KAZN: variants seen among roughly 807,000 people sequenced by gnomAD.
The protein encoded by KAZN is kazrin, periplakin interacting protein, also known as kazrin.
Under a neutral mutation model 87.4 loss-of-function variants are expected in KAZN, and 40 were observed. The observed-to-expected ratio is 0.46, with a 90% CI of 0.36 to 0.60. The LOEUF is 0.60. Ranked by LOEUF, KAZN falls within the 20% of genes least tolerant of loss-of-function variation. The pLI is 0.00. For missense variants in KAZN, 898 were observed against 1,073.9 expected, an observed-to-expected ratio of 0.84 and a Z score of 2.29; for synonymous variants, 466 against 458.3, an observed-to-expected ratio of 1.02 and a Z score of -0.22.
chr1:14,988,358 A>G (rs1667033102), intron 2 of KAZN, among the ~76,000 whole-genome samples: 1 of 152,168 alleles, frequency 6.6e-6, no homozygotes, highest in South Asian at 2.1e-4. Context: ...CGGAGCCCCC[A>G]GGGGCATCTC....
At chr1:14,711,200 G>A (rs950533653) in intron 1 of KAZN, among the ~76,000 whole-genome samples, 2 of 151,806 alleles carry the variant, frequency 1.3e-5, no homozygotes, top group Non-Finnish European at 2.9e-5. Context: ...CTCTATTTTC[G>A]AAAAGAAGTA....
intron 2 of KAZN, among the ~76,000 whole-genome samples, chr1:15,024,902 T>C (rs1671027693): frequency 6.6e-6 from 1 of 152,078 alleles, no homozygotes; most frequent in South Asian, 2.1e-4. Context: ...CCAGGACTGA[T>C]GCTCAGGGTT....
chr1:14,760,471 G>A (rs1037370926), intron 1 of KAZN, among the ~76,000 whole-genome samples: 25 of 152,292 alleles, frequency 1.6e-4, no homozygotes, highest in Admixed American at 1.0e-3. Context: ...GGCACTCGCT[G>A]GCCCAGTTTG....
chr1:15,050,064 G>GTAGAGTAGAGTACAGTAGAGTACA (rs1557756656), intron 4 of KAZN, among the ~76,000 whole-genome samples: 4 of 79,530 alleles, frequency 5.0e-5, no homozygotes, highest in African/African-American at 2.5e-4. Flanking sequence ...GGTAGGGTAG[G>GTAGAGTAGAGTACAGTAGAGTACA]GTAGAGTAGA....
intron 1 of KAZN, among the ~76,000 whole-genome samples, chr1:14,673,581 G>C (rs1640043466): frequency 6.6e-6 from 1 of 152,152 alleles, no homozygotes; most frequent in Non-Finnish European, 1.5e-5. Context: ...AGTAGGAGCA[G>C]CTGGAGAAGG....
At chr1:14,874,536 G>GGCTAACTTAACTACTGCA (rs558641056) in intron 1 of KAZN, among the ~76,000 whole-genome samples, 174 of 151,560 alleles carry the variant, frequency 1.1e-3, no homozygotes, top group African/African-American at 4.1e-3. Context: ...ATGGATGGAA[G>GGCTAACTTAACTACTGCA]GCTAACTTAA....
intron 1 of KAZN, among the ~76,000 whole-genome samples, chr1:14,667,735 A>C (rs74058775): frequency 9.8e-4 from 149 of 152,090 alleles, no homozygotes; most frequent in African/African-American, 3.5e-3. Context: ...TTCAAAACAC[A>C]GTGTACTGAA....
At chr1:14,931,152 G>C (rs1364506320) in intron 1 of KAZN, among the ~76,000 whole-genome samples, 3 of 152,092 alleles carry the variant, frequency 2.0e-5, no homozygotes, top group Non-Finnish European at 2.9e-5. Context: ...AAAAGGTATG[G>C]GAGGCTGGGC....
At chr1:14,208,094 G>A (rs560658985) in intron 2 of KAZN, among the ~76,000 whole-genome samples, 12 of 152,188 alleles carry the variant, frequency 7.9e-5, no homozygotes, top group African/African-American at 1.7e-4. Context: ...GTCTAATCAC[G>A]GACTAAGAGT....
At chr1:14,229,877 G>A (rs1259217173) in intron 2 of KAZN, among the ~76,000 whole-genome samples, 1 of 152,244 alleles carries the variant, frequency 6.6e-6, no homozygotes, top group African/African-American at 2.4e-5. Flanking sequence ...TGGCTCATTT[G>A]GTCCAGCAAC....
At chr1:14,235,054 G>A (rs1648272045) in intron 2 of KAZN, among the ~76,000 whole-genome samples, 2 of 152,214 alleles carry the variant, frequency 1.3e-5, no homozygotes, top group Admixed American at 6.5e-5. Context: ...CCAAAGAATT[G>A]CGGTGTATAT....
intron 1 of KAZN, among the ~76,000 whole-genome samples, chr1:13,908,820 C>T (rs1036962724): frequency 3.3e-5 from 5 of 152,196 alleles, no homozygotes; most frequent in South Asian, 2.1e-4. Flanking sequence ...CAGAAATCCA[C>T]GGTGACAAGA....
intron 1 of KAZN, among the ~76,000 whole-genome samples, chr1:14,037,108 AC>A (rs1406225074): frequency 1.3e-5 from 2 of 152,134 alleles, no homozygotes; most frequent in African/African-American, 4.8e-5. Flanking sequence ...CATTTTCTGA[AC>A]AAAAATGGGA....
chr1:14,641,959 A>AAGAATATAT (rs1680437429), intron 1 of KAZN, among the ~76,000 whole-genome samples: 1 of 152,268 alleles, frequency 6.6e-6, no homozygotes, highest in African/African-American at 2.4e-5. Flanking sequence ...AAGAATTCTC[A>AAGAATATAT]AACTCAGACA....
intron 2 of KAZN, among the ~76,000 whole-genome samples, chr1:14,469,207 G>A (rs1668318068): frequency 6.6e-6 from 1 of 151,774 alleles, no homozygotes; most frequent in African/African-American, 2.4e-5. Flanking sequence ...GGGGGAATGT[G>A]TGTCACGCAG....
intron 2 of KAZN, among the ~76,000 whole-genome samples, chr1:15,033,396 G>T (rs375448370): frequency 1.3e-5 from 2 of 152,176 alleles, no homozygotes; most frequent in African/African-American, 4.8e-5. Flanking sequence ...ATAAGTTTTT[G>T]TGTAGACATA....
chr1:13,962,981 G>A (rs550948823), intron 1 of KAZN, among the ~76,000 whole-genome samples: 3 of 152,266 alleles, frequency 2.0e-5, no homozygotes, highest in South Asian at 2.1e-4. Flanking sequence ...TTCTGGTGAC[G>A]GAGAAGTCTT....
intron 2 of KAZN, among the ~76,000 whole-genome samples, chr1:14,460,091 G>C (rs1051405044): frequency 6.6e-6 from 1 of 152,200 alleles, no homozygotes; most frequent in African/African-American, 2.4e-5. Flanking sequence ...GATCCTGGAA[G>C]GTGTTTGGAT....
chr1:14,153,913 A>C (rs1206847805), intron 1 of KAZN, among the ~76,000 whole-genome samples: 1 of 151,990 alleles, frequency 6.6e-6, no homozygotes, highest in Non-Finnish European at 1.5e-5. Context: ...GTAGGTCTGT[A>C]GTATAATTTA....
Sources: allele counts gnomAD v4.1 joint callset (sites outside exome capture counted in the v4.1 genomes callset), GRCh38; gene constraint gnomAD v4.1.1; transcripts MANE v1.5; gene names NCBI Gene and HGNC (gene_info 2026-07-23, HGNC 2026-07-21).